Variants in ARMH4 observed in about 807,000 individuals in gnomAD.
ARMH4 encodes armadillo like helical domain containing 4, also known as armadillo-like helical domain-containing protein 4.
Under a neutral mutation model 61.9 loss-of-function variants are expected in ARMH4, and 49 were observed. The observed-to-expected ratio is 0.79, with a 90% confidence interval of 0.63 to 1.00. The LOEUF is 1.00. Ranked by LOEUF, ARMH4 falls within the 50% of genes least tolerant of loss-of-function variation. The pLI is 0.00. For missense variants in ARMH4, 934 were observed against 930.0 expected (o/e 1.00, Z -0.06); for synonymous variants, 368 against 341.5 (o/e 1.08, Z -0.85).
chr14:58,079,802 C>G (rs187677259), intron 5 of ARMH4, among the ~76,000 whole-genome samples: 4 of 152,282 alleles, frequency 2.6e-5, no homozygotes, highest in Non-Finnish European at 5.9e-5. Flanking sequence ...ACACCTGGCT[C>G]TTTTCTAGAA....
chr14:58,128,344 A>G (rs1886970846), intron 4 of ARMH4, among the ~76,000 whole-genome samples: 1 of 152,240 alleles, frequency 6.6e-6, no homozygotes. Flanking sequence ...TCCAAAAATT[A>G]ATTTATGCAG....
intron 4 of ARMH4, chr14:58,116,322 C>T: frequency 3.6e-6 from 1 of 280,612 alleles, no homozygotes; most frequent in East Asian, 9.8e-5. Flanking sequence ...CAAGATAGTC[C>T]ACTTCAAACA....
intron 4 of ARMH4, among the ~76,000 whole-genome samples, chr14:58,104,979 C>G (rs1886121395): frequency 6.6e-6 from 1 of 152,188 alleles, no homozygotes; most frequent in Non-Finnish European, 1.5e-5. Flanking sequence ...ATAAGACCAA[C>G]AGCTGTAAAA....
intron 5 of ARMH4, among the ~76,000 whole-genome samples, chr14:58,075,209 G>T (rs1386076466): frequency 1.3e-5 from 2 of 152,118 alleles, no homozygotes; most frequent in Non-Finnish European, 2.9e-5. Context: ...ATTCCTCAAG[G>T]ATCTAGAACT....
intron 5 of ARMH4, among the ~76,000 whole-genome samples, chr14:58,077,215 G>C (rs1885075519): frequency 6.6e-6 from 1 of 152,196 alleles, no homozygotes; most frequent in Non-Finnish European, 1.5e-5. Context: ...GGTTACAAAA[G>C]GGTGGTTGTT....
chr14:58,143,905 C>G (rs1465530547), intron 1 of ARMH4, among the ~76,000 whole-genome samples: 1 of 150,814 alleles, frequency 6.6e-6, no homozygotes, highest in African/African-American at 2.5e-5. Context: ...TCCTAAGTAG[C>G]TGGGATTACA....
intron 5 of ARMH4, among the ~76,000 whole-genome samples, chr14:58,070,079 A>C (rs2141226316): frequency 6.6e-6 from 1 of 152,278 alleles, no homozygotes; most frequent in South Asian, 2.1e-4. Flanking sequence ...TAGGAGACAA[A>C]ATGAATGGGG....
At chr14:58,105,070 C>A (rs1381980447) in intron 4 of ARMH4, among the ~76,000 whole-genome samples, 2 of 151,906 alleles carry the variant, frequency 1.3e-5, no homozygotes, top group Non-Finnish European at 2.9e-5. Flanking sequence ...TTAGTTACAC[C>A]CAAAATAAAT....
chr14:58,082,307 G>A (rs532581586), intron 5 of ARMH4, among the ~76,000 whole-genome samples: 44 of 152,180 alleles, frequency 2.9e-4, no homozygotes, highest in African/African-American at 1.0e-3. Flanking sequence ...AGGCTCCAGC[G>A]GCTCACCTGC....
intron 5 of ARMH4, among the ~76,000 whole-genome samples, chr14:58,052,358 A>G: frequency 6.6e-6 from 1 of 152,158 alleles, no homozygotes. Context: ...AGTTCTCAAA[A>G]GAACTCTGCT....
At chr14:58,032,706 G>A (rs1019916971) in intron 5 of ARMH4, among the ~76,000 whole-genome samples, 9 of 149,474 alleles carry the variant, frequency 6.0e-5, no homozygotes, top group African/African-American at 1.9e-4. Context: ...CACCGTGCGC[G>A]AGCCGAAGCA....
At chr14:58,013,574 G>A (rs1295549091) in intron 5 of ARMH4, among the ~76,000 whole-genome samples, 1 of 152,056 alleles carries the variant, frequency 6.6e-6, no homozygotes, top group Admixed American at 6.6e-5. Flanking sequence ...ACTGATGATG[G>A]CTAGCATGCA....
chr14:58,066,546 T>G (rs995253687), intron 5 of ARMH4, among the ~76,000 whole-genome samples: 3 of 152,134 alleles, frequency 2.0e-5, no homozygotes, highest in African/African-American at 7.2e-5. Context: ...CACTTTAAAG[T>G]GGTTAGTGGC....
intron 5 of ARMH4, among the ~76,000 whole-genome samples, chr14:58,046,454 C>A (rs763510987): frequency 7.2e-4 from 109 of 152,234 alleles, no homozygotes; most frequent in Non-Finnish European, 1.4e-3. Context: ...CTCCCTTGTG[C>A]AGTAAGAAAG....
intron 4 of ARMH4, among the ~76,000 whole-genome samples, chr14:58,105,689 GAAA>G (rs1373693311): frequency 1.1e-5 from 1 of 91,236 alleles, no homozygotes; most frequent in Non-Finnish European, 2.4e-5. Flanking sequence ...TCCATCTCAA[GAAA>G]AAAAAAAAAA....
At chr14:58,056,180 C>G (rs986150752) in intron 5 of ARMH4, among the ~76,000 whole-genome samples, 1 of 152,222 alleles carries the variant, frequency 6.6e-6, no homozygotes, top group Non-Finnish European at 1.5e-5. Context: ...TTAAGAAGAG[C>G]TGCTGAATCA....
rs573728858 is a variant in ARMH4, at chr14:58,013,910, G to A, written c.2090-1760C>T. On this transcript the variant is annotated intron_variant, in intron 5 of 7. Coordinates refer to ENST00000267485, the MANE Select transcript of ARMH4 (RefSeq NM_001001872.4). ...GGCGTGGTGGCAGACACCTGTAATC[G>A]CAGCTCAGGAGACTGAGGTAGGAGA... Among the ~76,000 whole-genome samples the A allele has an allele frequency of 6.6e-5, 10 of 152,080 alleles. 1 individual carries two copies. The South Asian group carries it at 2.1e-3, about 32-fold the overall frequency.
Position 58,096,901 on chromosome 14 carries a change from T to G in ARMH4, c.1912A>C (p.Lys638Gln). 14 of 1,614,194 alleles carry G rather than the reference T, an allele frequency of 8.7e-6. No individual in the cohort carries two copies. Among genetic ancestry groups the G allele is most frequent in the Non-Finnish European group, 1.0e-5 (12 of 1,180,040 alleles). Residue 638 changes from lysine to glutamine, a missense_variant, in exon 5 of 8, where the codon AAA (lysine) becomes CAA (glutamine). By Grantham distance (53) the Lys-to-Gln change is moderately conservative. Transcript: ENST00000267485. ...EEDEEEDEED[K>Q]DADSLDEGLD... is the part of the protein sequence containing the mutation. ...CCCTCATCCAGCGAGTCTGCATCTTTATCTTCCTCATCTTCTTCCTCATCT... is the reference window on the plus strand; with the variant it reads ...CCCTCATCCAGCGAGTCTGCATCTTGATCTTCCTCATCTTCTTCCTCATCT...
intron 5 of ARMH4, among the ~76,000 whole-genome samples, chr14:58,068,852 C>CA (rs2141224586): frequency 1.3e-5 from 2 of 152,008 alleles, no homozygotes; most frequent in South Asian, 4.2e-4. Context: ...ACTAAAAATA[C>CA]AAAAATTAGC....
Sources: allele counts gnomAD v4.1 joint callset (sites outside exome capture counted in the v4.1 genomes callset), GRCh38; gene constraint gnomAD v4.1.1; transcripts MANE v1.5; gene names NCBI Gene and HGNC (gene_info 2026-07-23, HGNC 2026-07-21).